SDK2: variants seen among roughly 807,000 people sequenced by gnomAD.
SDK2 encodes the protein protein sidekick-2.
In SDK2, 105 loss-of-function variants were observed where a neutral mutation model predicts 253.9. That is an observed-to-expected ratio of 0.41 (90% CI 0.35 to 0.49). The LOEUF is 0.49. Among genes scored for constraint, SDK2 ranks in the 20% least tolerant of loss-of-function variants. SDK2 has a pLI of 0.06. For synonymous variants in SDK2, 1,249 were observed against 1,234.9 expected (o/e 1.01, Z -0.24); for missense variants, 2,608 against 3,003.0 (o/e 0.87, Z 3.07).
At chr17:73,608,305 A>G (rs1182726103) in intron 1 of SDK2, among the ~76,000 whole-genome samples, 1 of 151,984 alleles carries the variant, frequency 6.6e-6, no homozygotes, top group Non-Finnish European at 1.5e-5. Flanking sequence ...GAGGACGATC[A>G]CGGAGGTAAA....
rs1171321003 is a variant in SDK2 at position 73,361,921 on chromosome 17, G to A, written c.5306-76C>T. Reference sequence around the variant, plus strand: ...CTGGAGGCCATGGGGAAGGGGAAGCGGCCGTGGCCTGGGCCCCGGGACCCT... The same window carrying A: ...CTGGAGGCCATGGGGAAGGGGAAGCAGCCGTGGCCTGGGCCCCGGGACCCT... On this transcript the variant is annotated intron_variant, in intron 38 of 44. Coordinates refer to ENST00000392650, the MANE Select transcript of SDK2 (RefSeq NM_001144952.2). The surrounding 1 kb of genome is among the most constrained non-coding windows in gnomAD (Gnocchi z 4.1). 5.5e-6 allele frequency: 8 copies of A among 1,444,028 alleles called. No homozygotes were observed. The highest frequency in any genetic ancestry group is 5.0e-5 in the East Asian group (2 of 39,752). The allele number at this position is 1,444,028 out of a possible 1,614,324, so 89.5% of individuals were successfully genotyped here.
Position 73,580,887 on chromosome 17 carries a change from C to T in SDK2, c.64+63138G>A, listed in dbSNP as rs116638597. Among the ~76,000 whole-genome samples, 1,028 of 152,278 alleles carry T rather than the reference C, an allele frequency of 6.8e-3. 10 individuals are homozygous for T. Among genetic ancestry groups the T allele is most frequent in the African/African-American group, 0.024 (988 of 41,548 alleles). ...ACTGACATGACATTCAAAGGAAACG[C>T]TCATTGGAGCATTTTGAATTTTTGA... On this transcript the variant is annotated intron_variant, in intron 1 of 44. Transcript: ENST00000392650.
intron 1 of SDK2, among the ~76,000 whole-genome samples, chr17:73,548,982 A>G (rs35756432): frequency 0.031 from 4,709 of 152,258 alleles, 109 homozygotes; most frequent in Non-Finnish European, 0.049. Flanking sequence ...CAGAGTCTCA[A>G]TGACAACCCC....
chr17:73,438,628 GACAA>G (rs1198948362), intron 6 of SDK2, among the ~76,000 whole-genome samples: 2 of 135,700 alleles, frequency 1.5e-5, no homozygotes, highest in African/African-American at 6.2e-5. Flanking sequence ...AATAAGGGCA[GACAA>G]GACAGACAGA....
At chr17:73,365,935 C>G (rs554491499) in intron 37 of SDK2, among the ~76,000 whole-genome samples, 9 of 152,228 alleles carry the variant, frequency 5.9e-5, no homozygotes, top group South Asian at 2.1e-4. Context: ...ACGCCAAGGA[C>G]AGTCAGACCC....
At chr17:73,595,108 T>C (rs1344683280) in intron 1 of SDK2, among the ~76,000 whole-genome samples, 1 of 152,098 alleles carries the variant, frequency 6.6e-6, no homozygotes, top group Non-Finnish European at 1.5e-5. Flanking sequence ...GCACGGTGCC[T>C]GAAATAAGTG....
intron 1 of SDK2, chr17:73,513,773 G>A (rs917920666): frequency 4.6e-5 from 7 of 152,210 alleles, no homozygotes; most frequent in Non-Finnish European, 8.8e-5. Flanking sequence ...GCGCCTGAGC[G>A]ATCTTTGAGA....
intron 1 of SDK2, among the ~76,000 whole-genome samples, chr17:73,613,624 T>G (rs1207617318): frequency 1.0e-5 from 1 of 95,632 alleles, no homozygotes; most frequent in Non-Finnish European, 1.9e-5. Context: ...TCCCCCTACA[T>G]ATGCTCATCC....
chr17:73,532,316 G>C lies in SDK2; in HGVS notation c.65-24719C>G, dbSNP rs182873172. Among the ~76,000 whole-genome samples, 759 of 151,022 alleles carry C rather than the reference G, an allele frequency of 5.0e-3. 4 individuals are homozygous for C. Among genetic ancestry groups the C allele is most frequent in the Non-Finnish European group, 8.4e-3 (573 of 67,898 alleles). ...CTGTCTGTCCATTCCCACCTCCAGG[G>C]CCTTGCCTTGACCCTGCCACGCAGT... On this transcript the variant is annotated intron_variant, in intron 1 of 44. Transcript: ENST00000392650.
intron 16 of SDK2, among the ~76,000 whole-genome samples, chr17:73,418,564 G>A (rs1292662059): frequency 1.3e-5 from 2 of 152,202 alleles, no homozygotes; most frequent in Non-Finnish European, 2.9e-5. Flanking sequence ...AAGTTGCATA[G>A]CATTTTGTAG....
chr17:73,401,003 TGA>T lies in SDK2; in HGVS notation c.2971+15_2971+16del. 6.4e-7 allele frequency: 1 copy of T among 1,559,562 alleles called. No homozygotes were observed. Among genetic ancestry groups the T allele is most frequent in the Non-Finnish European group, 8.7e-7 (1 of 1,151,332 alleles). ...CAGGAGAACTCAAAGAGTCCTGCCTTGAGAGTGGGCACTTACCTGGGGGCACC... is the reference window on the plus strand; with the variant it reads ...CAGGAGAACTCAAAGAGTCCTGCCTTGAGTGGGCACTTACCTGGGGGCACC... On this transcript the variant is annotated intron_variant, in intron 21 of 44. Coordinates refer to ENST00000392650, the MANE Select transcript of SDK2 (RefSeq NM_001144952.2).
chr17:73,414,405 C>T (rs1166172111), intron 18 of SDK2, among the ~76,000 whole-genome samples: 2 of 152,130 alleles, frequency 1.3e-5, no homozygotes, highest in Non-Finnish European at 2.9e-5. Flanking sequence ...AACCCAGTCT[C>T]GCTGGGAAGG....
rs1298220586 is a variant in SDK2, at chr17:73,642,953, G to GC, written c.64+1071dup. On this transcript the variant is annotated intron_variant, in intron 1 of 44. Transcript: ENST00000392650. The surrounding 1 kb of genome is among the most constrained non-coding windows in gnomAD (Gnocchi z 4.7). ...AGTCCGGACCCCTAGGGTGGGTCTG[G>GC]CCCCCTCCTGAGCCTGCGAGAGTGA... is the stretch of plus-strand genomic sequence containing the variant. 6.6e-6 allele frequency: 1 copy of GC among 152,122 alleles called. No individual in the cohort carries two copies. The highest frequency in any genetic ancestry group is 1.9e-4 in the East Asian group (1 of 5,154). 9.4% of individuals were successfully genotyped at this position (152,122 alleles called of 1,614,324 possible).
chr17:73,521,875 G>A lies in SDK2; in HGVS notation c.65-14278C>T, dbSNP rs534143096. ...TGCCATAGAACTGGAGAAAAACCCGGGGACACTTTGCCTGGCTGAGGGCTT... is the reference window on the plus strand; with the variant it reads ...TGCCATAGAACTGGAGAAAAACCCGAGGACACTTTGCCTGGCTGAGGGCTT... On this transcript the variant is annotated intron_variant, in intron 1 of 44. Transcript: ENST00000392650. Among the ~76,000 whole-genome samples the A allele has an allele frequency of 2.0e-5, 3 of 152,270 alleles. No homozygotes were observed. In the South Asian group the frequency reaches 6.2e-4, roughly 32 times the overall value.
At chr17:73,345,786 C>A (rs962208158) in intron 44 of SDK2, among the ~76,000 whole-genome samples, 1 of 152,200 alleles carries the variant, frequency 6.6e-6, no homozygotes, top group African/African-American at 2.4e-5. Context: ...GCCACCAGTG[C>A]TTCCTAGAGG....
At chr17:73,380,703 A>G (rs1241845598) in intron 34 of SDK2, among the ~76,000 whole-genome samples, 191 bp downstream of exon 34, 1 of 152,096 alleles carries the variant, frequency 6.6e-6, no homozygotes, top group Non-Finnish European at 1.5e-5. Flanking sequence ...CTTGAAGGAG[A>G]CTTTCCCTGT....
At chr17:73,576,711 G>A (rs778192497) in intron 1 of SDK2, among the ~76,000 whole-genome samples, 8 of 152,122 alleles carry the variant, frequency 5.3e-5, no homozygotes, top group Non-Finnish European at 8.8e-5. Context: ...AGGCCAGGGG[G>A]TTGCCAGTAC....
chr17:73,493,679 A>G (rs1035066811), intron 2 of SDK2, among the ~76,000 whole-genome samples: 2 of 152,244 alleles, frequency 1.3e-5, no homozygotes, highest in Admixed American at 6.5e-5. Flanking sequence ...AAGCAAAGCA[A>G]TAGGTGTTTT....
rs1392791070 is a variant in SDK2, at chr17:73,338,444, C to T, written c.*143G>A. 1 of 703,458 alleles carries T rather than the reference C, an allele frequency of 1.4e-6. No homozygotes were observed. Among genetic ancestry groups the T allele is most frequent in the Non-Finnish European group, 2.5e-6 (1 of 394,028 alleles). 43.6% of individuals were successfully genotyped at this position (703,458 alleles called of 1,614,324 possible). A position where few individuals can be genotyped will look rare whatever the true frequency, so the allele number is the denominator to read the frequency against. On this transcript the variant is annotated 3_prime_UTR_variant, in exon 45 of 45. Transcript: ENST00000392650. The surrounding 1 kb of genome is among the most constrained non-coding windows in gnomAD (Gnocchi z 5.0). ...TCCTTCTGAACGCCGGCTTTGCTGG[C>T]CCTGGAATCTCTGGAAAAATAAACT...
Sources: allele counts gnomAD v4.1 joint callset (sites outside exome capture counted in the v4.1 genomes callset), GRCh38; gene constraint gnomAD v4.1.1; non-coding constraint Gnocchi (gnomAD v3.1); transcripts MANE v1.5; gene names NCBI Gene and HGNC (gene_info 2026-07-23, HGNC 2026-07-21).